The following CEP63 variants were observed in gnomAD, a reference collection of about 807,000 sequenced individuals.
CEP63 encodes the protein centrosomal protein 63.
Under a neutral mutation model 89.1 loss-of-function variants are expected in CEP63, and 84 were observed. That is an observed-to-expected ratio of 0.94 (90% CI 0.79 to 1.13). The LOEUF (loss-of-function observed/expected upper bound fraction) is 1.13, where lower values mean the gene tolerates loss of function less well. Among genes scored for constraint, CEP63 ranks in the 50% most tolerant of loss-of-function variants. The probability of loss-of-function intolerance (pLI) is 0.00; values close to 1 mark genes in which losing one functional copy is unlikely to be tolerated. For missense variants in CEP63, 838 were observed against 813.3 expected (o/e 1.03, Z -0.37); for synonymous variants, 267 against 272.5 (o/e 0.98, Z 0.20).
At chr3:134,559,009 C>T in intron 13 of CEP63, 141 bp from the exon 14 acceptor site, 1 of 780,900 alleles carries the variant, frequency 1.3e-6, no homozygotes, top group South Asian at 1.8e-5. Flanking sequence ...AAAGAAATCT[C>T]TTTCTGATCT....
In CEP63 at chr3:134,544,309, T is replaced by C. The variant is rs76676629; in HGVS notation, c.556-1277T>C. Among the ~76,000 whole-genome samples, 396 of 152,084 alleles carry C rather than the reference T, an allele frequency of 2.6e-3. 4 individuals are homozygous for C. The highest frequency in any genetic ancestry group is 9.3e-3 in the African/African-American group (386 of 41,486). On this transcript the variant is annotated intron_variant, in intron 6 of 14. Transcript: ENST00000675561. ...ATGAAGTACCAGCCAGGATGCTGGA[T>C]TAAAACTTGTAAAAACTAAAAAGTT...
At chr3:134,612,406 C>G in the CEP63 span, among the ~76,000 whole-genome samples, 2 of 152,138 alleles carry the variant, frequency 1.3e-5, no homozygotes, top group African/African-American at 4.8e-5. Flanking sequence ...CTGGAGTGCT[C>G]TCTCCTCATT....
Position 134,486,076 on chromosome 3 carries a change from G to A in CEP63, c.-152G>A. The A allele has an allele frequency of 1.0e-6, 1 of 985,558 alleles. No homozygotes were observed. Among genetic ancestry groups the A allele is most frequent in the Non-Finnish European group, 1.2e-6 (1 of 830,042 alleles). 61.1% of individuals were successfully genotyped at this position (985,558 alleles called of 1,614,324 possible). ...GGGTGAGTTCATTTGCTCGCGTGCA[G>A]GGGAAGTCTGGAGAAGGCATTGTTT... On this transcript the variant is annotated 5_prime_UTR_variant, in exon 1 of 15. Coordinates refer to ENST00000675561, the MANE Select transcript of CEP63 (RefSeq NM_001353108.3).
the CEP63 span, among the ~76,000 whole-genome samples, chr3:134,692,342 G>A: frequency 1.3e-5 from 2 of 151,184 alleles, no homozygotes; most frequent in Admixed American, 6.6e-5. Context: ...TCCCACCTAT[G>A]AGTGGGAACA....
At chr3:134,515,528 A>G (rs1465804660) in intron 3 of CEP63, among the ~76,000 whole-genome samples, 2 of 152,238 alleles carry the variant, frequency 1.3e-5, no homozygotes, top group Non-Finnish European at 2.9e-5. Flanking sequence ...AAAAAGTATG[A>G]TTGGAGCAGA....
At chr3:134,514,707 A>G (rs989798815) in intron 3 of CEP63, among the ~76,000 whole-genome samples, 7 of 152,222 alleles carry the variant, frequency 4.6e-5, no homozygotes, top group African/African-American at 1.7e-4. Context: ...AAGGTAAAAT[A>G]AAGACATTTT....
the CEP63 span, among the ~76,000 whole-genome samples, chr3:134,755,374 C>G: frequency 2.0e-5 from 3 of 152,196 alleles, no homozygotes; most frequent in Non-Finnish European, 4.4e-5. Flanking sequence ...CTCAGGTGAT[C>G]AGCATCTCCG....
At chr3:134,723,607 G>C in the CEP63 span, among the ~76,000 whole-genome samples, 1 of 152,194 alleles carries the variant, frequency 6.6e-6, no homozygotes, top group East Asian at 1.9e-4. Context: ...TGTGCATGTG[G>C]GATTTCAGTG....
the CEP63 span, chr3:134,603,468 A>G: frequency 2.1e-6 from 2 of 953,954 alleles, no homozygotes; most frequent in Non-Finnish European, 1.6e-6. Flanking sequence ...GAGGCCTAGA[A>G]GGGATTTCAT....
intron 1 of CEP63, among the ~76,000 whole-genome samples, chr3:134,493,173 C>T (rs544917425): frequency 5.7e-4 from 86 of 152,122 alleles, no homozygotes; most frequent in African/African-American, 1.9e-3. Context: ...GTTAAGTATC[C>T]GTGTATGGTT....
At chr3:134,720,662 G>A in the CEP63 span, among the ~76,000 whole-genome samples, 1 of 152,094 alleles carries the variant, frequency 6.6e-6, no homozygotes, top group East Asian at 1.9e-4. Flanking sequence ...TGTATGTGGT[G>A]TGAGGTAGGG....
In CEP63 at chr3:134,547,324, T is replaced by C. The variant is rs2109677852; in HGVS notation, c.930-11T>C. 1 of 1,611,918 alleles carries C rather than the reference T, an allele frequency of 6.2e-7. No homozygotes were observed. Among genetic ancestry groups the C allele is most frequent in the Admixed American group, 1.7e-5 (1 of 60,004 alleles). On this transcript the variant is annotated splice_polypyrimidine_tract_variant and intron_variant, in intron 8 of 14. Transcript: ENST00000675561. ...TAAAGGCGTTAACAATCATCCTATG[T>C]CTTTCCATAGGCCACGGGAAGAATC...
rs568135152 is a variant in CEP63 at position 134,564,120 on chromosome 3, C to G, written c.*2585C>G. The G allele has an allele frequency of 4.5e-6, 1 of 221,368 alleles. No homozygotes were observed. Among genetic ancestry groups the G allele is most frequent in the South Asian group, 1.6e-4 (1 of 6,098 alleles). 13.7% of individuals were successfully genotyped at this position (221,368 alleles called of 1,614,324 possible). ...ATTACTTGATTTATGTTTGTACTGTCTATTTCTGTCTTTAGAATTAAAACT... is the reference window on the plus strand; with the variant it reads ...ATTACTTGATTTATGTTTGTACTGTGTATTTCTGTCTTTAGAATTAAAACT... On this transcript the variant is annotated 3_prime_UTR_variant, in exon 15 of 15. Coordinates refer to ENST00000675561, the MANE Select transcript of CEP63 (RefSeq NM_001353108.3).
At chr3:134,684,341 T>C in the CEP63 span, among the ~76,000 whole-genome samples, 1 of 152,340 alleles carries the variant, frequency 6.6e-6, no homozygotes, top group South Asian at 2.1e-4. Flanking sequence ...TTCCTTTCCA[T>C]CTTTTCTATG....
the CEP63 span, among the ~76,000 whole-genome samples, chr3:134,735,730 T>C: frequency 6.6e-6 from 1 of 152,062 alleles, no homozygotes; most frequent in Non-Finnish European, 1.5e-5. Context: ...AAATACAGAA[T>C]TTGCAAATAA....
At chr3:134,590,725 G>A (rs541478183), downstream of CEP63, among the ~76,000 whole-genome samples, 1 of 152,264 alleles carries the variant, frequency 6.6e-6, no homozygotes, top group Middle Eastern at 3.4e-3. Context: ...TTTCCTCATG[G>A]AGCTAGCATT....
At chr3:134,729,363 T>C in the CEP63 span, among the ~76,000 whole-genome samples, 25 of 152,336 alleles carry the variant, frequency 1.6e-4, no homozygotes, top group South Asian at 8.3e-4. Context: ...ATACATACTG[T>C]TTCCCATCTT....
the CEP63 span, chr3:134,650,969 C>T: frequency 6.2e-7 from 1 of 1,612,944 alleles, no homozygotes; most frequent in Non-Finnish European, 8.5e-7. Context: ...ATGATGCCGC[C>T]TCCTTTCCGA....
At chr3:134,647,920 A>G in the CEP63 span, among the ~76,000 whole-genome samples, 904 of 152,314 alleles carry the variant, frequency 5.9e-3, 12 homozygotes, top group African/African-American at 0.021. Context: ...GTCAATCCCA[A>G]TGGGAATGGA....
Sources: allele counts gnomAD v4.1 joint callset (sites outside exome capture counted in the v4.1 genomes callset), GRCh38; gene constraint gnomAD v4.1.1; transcripts MANE v1.5; gene names NCBI Gene and HGNC (gene_info 2026-07-23, HGNC 2026-07-21).